Variants in DPP10 observed in about 807,000 individuals in gnomAD.
The protein encoded by DPP10 is inactive dipeptidyl peptidase 10.
In DPP10, 33 loss-of-function variants were observed where a neutral mutation model predicts 120.9. The ratio of observed to expected loss-of-function variants is 0.27; its 90% CI spans 0.21 to 0.37. The LOEUF is 0.37. Ranked by LOEUF, DPP10 falls within the 10% of genes least tolerant of loss-of-function variation. The pLI, the probability that DPP10 is intolerant of heterozygous loss-of-function variation, is 1.00. For missense variants in DPP10, 816 were observed against 942.8 expected, an observed-to-expected ratio of 0.87 and a Z score of 1.76; for synonymous variants, 337 against 326.1, an observed-to-expected ratio of 1.03 and a Z score of -0.36.
chr2:115,158,772 A>G (rs1346139055), intron 1 of DPP10, among the ~76,000 whole-genome samples: 1 of 152,224 alleles, frequency 6.6e-6, no homozygotes, highest in Non-Finnish European at 1.5e-5. Context: ...ATGAAAAAGT[A>G]TTCAAAATAC....
Position 114,637,674 on chromosome 2 carries a change from T to TG in DPP10, c.60+194841dup, listed in dbSNP as rs1452355043. On this transcript the variant is annotated intron_variant, in intron 1 of 25. Transcript: ENST00000410059. Reference sequence around the variant, plus strand: ...GTTAATTTTTATATGTGCTGACAGGTGGGGGTCTAGTTTTATTCTCTTGCA... The same window carrying TG: ...GTTAATTTTTATATGTGCTGACAGGTGGGGGGTCTAGTTTTATTCTCTTGCA... Among the ~76,000 whole-genome samples the TG allele has an allele frequency of 3.3e-5, 5 of 151,976 alleles. No individual in the cohort carries two copies. In the East Asian group the frequency reaches 5.8e-4, roughly 18 times the overall value.
At chr2:114,665,914 T>C (rs72955615) in intron 1 of DPP10, among the ~76,000 whole-genome samples, 13,035 of 152,216 alleles carry the variant, frequency 0.086, 1,919 homozygotes, top group African/African-American at 0.29. Context: ...GACTTGCCTA[T>C]ACTTGCAGTT....
chr2:114,493,275 C>A (rs1220498788), intron 1 of DPP10, among the ~76,000 whole-genome samples: 1 of 152,048 alleles, frequency 6.6e-6, no homozygotes, highest in Non-Finnish European at 1.5e-5. Context: ...CTCTGGAAGC[C>A]AGGACAGGGA....
intron 2 of DPP10, among the ~76,000 whole-genome samples, chr2:115,330,273 T>G (rs1438872913): frequency 6.6e-6 from 1 of 152,066 alleles, no homozygotes; most frequent in Non-Finnish European, 1.5e-5. Flanking sequence ...TTGCCCACTT[T>G]TTGTTGGGTT....
chr2:115,286,090 A>G (rs1198083908), intron 1 of DPP10, among the ~76,000 whole-genome samples: 3 of 151,854 alleles, frequency 2.0e-5, no homozygotes, highest in Non-Finnish European at 4.4e-5. Flanking sequence ...CTTTTTCATT[A>G]CTGCAGGAGG....
At chr2:115,019,285 AG>A (rs1204900192) in intron 1 of DPP10, among the ~76,000 whole-genome samples, 2 of 152,128 alleles carry the variant, frequency 1.3e-5, no homozygotes, top group African/African-American at 4.8e-5. Flanking sequence ...AATGGAAAAA[AG>A]AAAGGAACAT....
At chr2:115,707,421 T>C (rs1306601344) in intron 7 of DPP10, among the ~76,000 whole-genome samples, 2 of 138,804 alleles carry the variant, frequency 1.4e-5, no homozygotes, top group South Asian at 2.4e-4. Flanking sequence ...AAACAAATTT[T>C]ACACACACAC....
At chr2:115,668,203 G>A (rs776754048) in intron 5 of DPP10, among the ~76,000 whole-genome samples, 37 of 152,008 alleles carry the variant, frequency 2.4e-4, no homozygotes, top group Non-Finnish European at 4.3e-4. Context: ...TTCAGGTGCT[G>A]AGTGCTATGG....
chr2:114,692,069 G>A (rs148879109), intron 1 of DPP10, among the ~76,000 whole-genome samples: 2,337 of 151,800 alleles, frequency 0.015, 54 homozygotes, highest in African/African-American at 0.053. Flanking sequence ...AGGGTTTTTT[G>A]TGTTTCTATC....
chr2:114,976,612 A>T (rs1699769660), intron 1 of DPP10, among the ~76,000 whole-genome samples: 2 of 152,240 alleles, frequency 1.3e-5, no homozygotes, highest in Admixed American at 6.5e-5. Flanking sequence ...TTTCTAGCAT[A>T]GAATATTTCA....
intron 1 of DPP10, among the ~76,000 whole-genome samples, chr2:114,963,690 G>A (rs1451231931): frequency 6.6e-6 from 1 of 152,190 alleles, no homozygotes. Context: ...CTCAGCAGGG[G>A]CTGAGCTAAG....
At chr2:114,821,132 G>A (rs561755512) in intron 1 of DPP10, among the ~76,000 whole-genome samples, 7 of 152,310 alleles carry the variant, frequency 4.6e-5, no homozygotes, top group African/African-American at 1.7e-4. Context: ...GCTGGAGGAG[G>A]TGGTGTCTGA....
chr2:115,610,694 T>G (rs1280462735), intron 5 of DPP10, among the ~76,000 whole-genome samples: 1 of 152,182 alleles, frequency 6.6e-6, no homozygotes, highest in Non-Finnish European at 1.5e-5. Context: ...ATTTGTTTAC[T>G]TTGTTATTAT....
At chr2:115,644,456 A>G (rs1366051751) in intron 5 of DPP10, among the ~76,000 whole-genome samples, 1 of 151,960 alleles carries the variant, frequency 6.6e-6, no homozygotes. Context: ...AATGATGGTA[A>G]TAATAGTTTC....
At chr2:114,551,096 A>T (rs367592723) in intron 1 of DPP10, among the ~76,000 whole-genome samples, 1 of 151,650 alleles carries the variant, frequency 6.6e-6, no homozygotes, top group African/African-American at 2.4e-5. Context: ...CCTCCACTAC[A>T]CTCATTTTTT....
At chr2:115,637,524 C>T (rs2086441878) in intron 5 of DPP10, among the ~76,000 whole-genome samples, 1 of 152,018 alleles carries the variant, frequency 6.6e-6, no homozygotes, top group African/African-American at 2.4e-5. Context: ...GATTGGGCAA[C>T]AGTGACAGAA....
chr2:115,360,229 G>A (rs1191927011), intron 3 of DPP10, among the ~76,000 whole-genome samples: 1 of 152,192 alleles, frequency 6.6e-6, no homozygotes, highest in Non-Finnish European at 1.5e-5. Flanking sequence ...ATCTGAGACG[G>A]TTAGTGTTAT....
intron 1 of DPP10, among the ~76,000 whole-genome samples, chr2:114,610,308 A>G (rs2105279880): frequency 6.6e-6 from 1 of 152,158 alleles, no homozygotes. Flanking sequence ...AAATTACAGA[A>G]CCCCAAGCTC....
intron 1 of DPP10, among the ~76,000 whole-genome samples, chr2:114,629,779 A>G (rs945634368): frequency 3.3e-5 from 5 of 152,188 alleles, no homozygotes; most frequent in African/African-American, 1.2e-4. Context: ...TTAGCATAAG[A>G]AAATAATTTG....
Sources: allele counts gnomAD v4.1 joint callset (sites outside exome capture counted in the v4.1 genomes callset), GRCh38; gene constraint gnomAD v4.1.1; transcripts MANE v1.5; gene names NCBI Gene and HGNC (gene_info 2026-07-23, HGNC 2026-07-21).